Variants in MUC22 observed in about 807,000 individuals in gnomAD.
MUC22 encodes the protein mucin-22.
Under a neutral mutation model 40.3 loss-of-function variants are expected in MUC22, and 24 were observed. The ratio of observed to expected loss-of-function variants is 0.60; its 90% CI spans 0.43 to 0.84. The LOEUF (loss-of-function observed/expected upper bound fraction) is 0.84, where lower values mean the gene tolerates loss of function less well. MUC22 is among the 40% of genes least tolerant of loss of function. The pLI is 0.00. For missense variants in MUC22, 1,926 were observed against 2,130.7 expected (o/e 0.90, Z 1.89); for synonymous variants, 765 against 844.5 (o/e 0.91, Z 1.63).
exon 2 of MUC22, chr6:31,026,928 C>A: frequency 6.6e-7 from 1 of 1,504,734 alleles, no homozygotes; most frequent in Non-Finnish European, 8.9e-7. Context: ...CCACAGTCTC[C>A]ACTGCAGGCT....
chr6:31,008,787 C>A (rs1258739654), upstream of MUC22, among the ~76,000 whole-genome samples: 1 of 152,106 alleles, frequency 6.6e-6, no homozygotes, highest in Non-Finnish European at 1.5e-5. Flanking sequence ...AAACTCCTAA[C>A]CCGCCCACCT....
At chr6:31,017,122 G>A (rs1037627640) in intron 1 of MUC22, among the ~76,000 whole-genome samples, 2 of 152,200 alleles carry the variant, frequency 1.3e-5, no homozygotes, top group South Asian at 2.1e-4. Flanking sequence ...CCTCCCAGAC[G>A]AGCGCTGCCC....
chr6:31,010,241 C>T (rs748524072), upstream of MUC22, among the ~76,000 whole-genome samples: 4 of 152,164 alleles, frequency 2.6e-5, no homozygotes, highest in Non-Finnish European at 4.4e-5. Flanking sequence ...CCTTCCACTC[C>T]GACAAGTTTG....
At chr6:31,024,866 C>CGCCTTTT (rs1491259407) in intron 1 of MUC22, among the ~76,000 whole-genome samples, 1 of 133,726 alleles carries the variant, frequency 7.5e-6, no homozygotes, top group African/African-American at 2.8e-5. Flanking sequence ...AAATTGCTGC[C>CGCCTTTT]TTCTTTTTTT....
intron 1 of MUC22, among the ~76,000 whole-genome samples, chr6:31,016,898 G>C (rs1764251564): frequency 6.6e-6 from 1 of 152,236 alleles, no homozygotes; most frequent in Admixed American, 6.5e-5. Flanking sequence ...CCTCGGGCTG[G>C]CGTGGCCAGC....
At chr6:31,007,363 C>A (rs931182005), upstream of MUC22, among the ~76,000 whole-genome samples, 1 of 152,132 alleles carries the variant, frequency 6.6e-6, no homozygotes, top group South Asian at 2.1e-4. This position sits in a 1 kb window ranked among gnomAD's most constrained non-coding sequence, Gnocchi z 4.0. Flanking sequence ...CAGAGTGGTC[C>A]GTTTGTGGGA....
In MUC22 at chr6:31,011,059, G is replaced by A. The variant is rs1006743656; in HGVS notation, c.70+283G>A. ...GGGGCGGTGCTGGGGAAATGGAGGG[G>A]GGTGAGATTTTACTTTCCTTTGTAT... On this transcript the variant is annotated intron_variant, in intron 1 of 3. Coordinates refer to ENST00000561890, the Ensembl canonical transcript of MUC22. The surrounding 1 kb of genome is among the most constrained non-coding windows in gnomAD (Gnocchi z 4.5). Among the ~76,000 whole-genome samples, 3 of 151,486 alleles carry A rather than the reference G, an allele frequency of 2.0e-5. No individual in the cohort carries two copies. The highest frequency in any genetic ancestry group is 7.3e-5 in the African/African-American group (3 of 41,026).
chr6:31,017,378 C>T (rs908517796), intron 1 of MUC22, among the ~76,000 whole-genome samples: 1 of 152,000 alleles, frequency 6.6e-6, no homozygotes, highest in Admixed American at 6.6e-5. Flanking sequence ...CACCCTGTGT[C>T]TAGCTAATCT....
upstream of MUC22, among the ~76,000 whole-genome samples, chr6:31,006,301 G>A (rs527954544): frequency 6.6e-6 from 1 of 152,226 alleles, no homozygotes; most frequent in African/African-American, 2.4e-5. Flanking sequence ...TGATGCAGAG[G>A]AGTATGACAG....
rs1765418576 is a variant in MUC22, at chr6:31,026,829, C to G, written c.1398C>G (p.Thr466=). ...CAGTCTCCACCACAGGCTCTGAGAC[C>G]ACAACAGCCTCTACTGCACATTCTG... The change falls in exon 2 of 4, where the codon ACC becomes ACG. Residue 466 remains threonine, a synonymous_variant. Coordinates refer to ENST00000561890, the Ensembl canonical transcript of MUC22. 1.3e-6 allele frequency: 2 copies of G among 1,493,310 alleles called. 1 individual carries two copies. Among genetic ancestry groups the G allele is most frequent in the Non-Finnish European group, 1.8e-6 (2 of 1,117,504 alleles). The allele number at this position is 1,493,310 out of a possible 1,614,324, so 92.5% of individuals were successfully genotyped here.
In MUC22 at chr6:31,032,404, C is replaced by A; in HGVS notation, c.4878C>A (p.Ser1626Arg). Residue 1626 changes from serine (S) to arginine (R), a missense_variant, in exon 3 of 4, where the codon AGC becomes AGA. Physicochemically the swap from Ser to Arg is moderately radical, Grantham distance 110. Transcript: ENST00000561890. The surrounding 1 kb of genome is among the most constrained non-coding windows in gnomAD (Gnocchi z 4.1). ...CAGGATCCACCCGTGAGCCAACCAG[C>A]AGCACCTTCCAGGAAACAGGCCCGG... 3 of 1,535,764 alleles carry A rather than the reference C, an allele frequency of 2.0e-6. No homozygotes were observed. Among genetic ancestry groups the A allele is most frequent in the Non-Finnish European group, 2.6e-6 (3 of 1,146,920 alleles).
chr6:31,007,363 C>T (rs931182005), upstream of MUC22, among the ~76,000 whole-genome samples: 1 of 152,250 alleles, frequency 6.6e-6, no homozygotes, highest in Non-Finnish European at 1.5e-5. The surrounding 1 kb of genome is among the most constrained non-coding windows in gnomAD (Gnocchi z 4.0). Context: ...CAGAGTGGTC[C>T]GTTTGTGGGA....
chr6:31,033,405 C>A (rs1420986761), intron 3 of MUC22, among the ~76,000 whole-genome samples: 1 of 152,214 alleles, frequency 6.6e-6, no homozygotes, highest in Non-Finnish European at 1.5e-5. Flanking sequence ...CCGATTGTCT[C>A]ATGTATGACA....
At chr6:31,017,326 G>T (rs1246285774) in intron 1 of MUC22, among the ~76,000 whole-genome samples, 1 of 152,254 alleles carries the variant, frequency 6.6e-6, no homozygotes, top group Non-Finnish European at 1.5e-5. Flanking sequence ...ACACCAATCA[G>T]CACTCTGTGT....
exon 2 of MUC22, chr6:31,026,190 G>A: frequency 6.6e-7 from 1 of 1,520,630 alleles, no homozygotes. Flanking sequence ...CATCCAGCAT[G>A]AGCTCTGAGA....
chr6:31,017,744 A>ACAG (rs1562581013), intron 1 of MUC22, among the ~76,000 whole-genome samples: 2 of 151,424 alleles, frequency 1.3e-5, no homozygotes, highest in African/African-American at 4.9e-5. Context: ...CTCTCTGTAA[A>ACAG]ACCAATCGGC....
chr6:31,024,925 C>A (rs1765152852), intron 1 of MUC22, among the ~76,000 whole-genome samples: 2 of 148,228 alleles, frequency 1.3e-5, no homozygotes, highest in Admixed American at 6.8e-5. Context: ...GGCTGGAGTG[C>A]AGTGGTGCAA....
At chr6:31,017,636 G>A (rs1190090518) in intron 1 of MUC22, among the ~76,000 whole-genome samples, 1 of 152,134 alleles carries the variant, frequency 6.6e-6, no homozygotes, top group Non-Finnish European at 1.5e-5. Flanking sequence ...GTTTGTAAAT[G>A]CACCAATCAG....
upstream of MUC22, chr6:31,005,993 G>C (rs1170112979): frequency 2.4e-5 from 5 of 210,866 alleles, no homozygotes; most frequent in African/African-American, 1.2e-4. Flanking sequence ...TGTAGTCCCA[G>C]CTACGTGGGA....
Sources: gnomAD v4.1 joint callset for allele counts (sites outside exome capture counted in the v4.1 genomes callset) on GRCh38, gnomAD v4.1.1 for gene constraint, Gnocchi (gnomAD v3.1) non-coding constraint, MANE v1.5 for transcripts, NCBI Gene and HGNC (gene_info 2026-07-23, HGNC 2026-07-21) for gene names.